Variants in ADORA1 observed in about 807,000 individuals in gnomAD.
The protein encoded by ADORA1 is adenosine A1 receptor.
In ADORA1, 6 loss-of-function variants were observed where a neutral mutation model predicts 19.9. That is an observed-to-expected ratio of 0.30 (90% CI 0.17 to 0.59). The LOEUF is 0.59. ADORA1 is among the 20% of genes least tolerant of loss of function. The pLI, the probability that ADORA1 is intolerant of heterozygous loss-of-function variation, is 0.87. For missense variants in ADORA1, 302 were observed against 439.2 expected, an observed-to-expected ratio of 0.69 and a Z score of 2.79; for synonymous variants, 194 against 188.4, an observed-to-expected ratio of 1.03 and a Z score of -0.24.
chr1:203,163,321 A>G (rs1022600667), intron 3 of ADORA1, among the ~76,000 whole-genome samples: 10 of 152,178 alleles, frequency 6.6e-5, no homozygotes, highest in African/African-American at 2.4e-4. Flanking sequence ...TACAGAGGAG[A>G]CATTGATCTA....
chr1:203,163,828 C>T (rs1263261388), intron 3 of ADORA1, among the ~76,000 whole-genome samples: 2 of 152,174 alleles, frequency 1.3e-5, no homozygotes, highest in Non-Finnish European at 2.9e-5. Context: ...CATCACCATG[C>T]AGGAGAAAGC....
chr1:203,141,386 C>T (rs1380302172), intron 3 of ADORA1, among the ~76,000 whole-genome samples: 1 of 152,148 alleles, frequency 6.6e-6, no homozygotes, highest in African/African-American at 2.4e-5. Context: ...TCTCACTTCC[C>T]CACCTCTGGG....
At position 203,165,854 on chromosome 1, in the gene ADORA1, C is replaced by A; in HGVS notation, c.935C>A (p.Ala312Glu). The A allele has an allele frequency of 6.3e-7, 1 of 1,590,760 alleles. No homozygotes were observed. The highest frequency in any genetic ancestry group is 8.6e-7 in the Non-Finnish European group (1 of 1,167,624). The change falls in exon 4 of 4, where the codon GCA becomes GAA. Residue 312 changes from alanine (A) to glutamate (E), a missense_variant. By Grantham distance (107) the Ala-to-Glu change is moderately radical. Coordinates refer to ENST00000337894, the MANE Select transcript of ADORA1 (RefSeq NM_000674.3). This position sits in a 1 kb window ranked among gnomAD's most constrained non-coding sequence, Gnocchi z 5.9. ...AATGACCATTTCCGCTGCCAGCCTG[C>A]ACCTCCCATTGACGAGGATCTCCCA... The part of the protein sequence containing the change: ...IWNDHFRCQP[A>E]PPIDEDLPEE...
chr1:203,145,938 G>A (rs1654844747), intron 3 of ADORA1, among the ~76,000 whole-genome samples: 1 of 152,198 alleles, frequency 6.6e-6, no homozygotes, highest in African/African-American at 2.4e-5. Flanking sequence ...GGCAGGGCAG[G>A]GAGGTGTATA....
intron 3 of ADORA1, among the ~76,000 whole-genome samples, chr1:203,137,140 G>A (rs567080574): frequency 6.6e-5 from 10 of 152,162 alleles, no homozygotes; most frequent in Non-Finnish European, 1.3e-4. Flanking sequence ...TAAATAGGGT[G>A]GTCCGTGAGG....
chr1:203,163,925 C>G (rs931722653), intron 3 of ADORA1, among the ~76,000 whole-genome samples: 8 of 152,212 alleles, frequency 5.3e-5, no homozygotes, highest in African/African-American at 1.9e-4. Flanking sequence ...TTTACATGCT[C>G]AGGAGGGCAC....
chr1:203,146,626 C>T (rs1464640694), intron 3 of ADORA1, among the ~76,000 whole-genome samples: 1 of 95,324 alleles, frequency 1.0e-5, no homozygotes, highest in Non-Finnish European at 2.1e-5. Flanking sequence ...AAGCCTGTCT[C>T]AAAAAAAAAA....
chr1:203,150,844 C>T, intron 3 of ADORA1: 2 of 1,275,524 alleles, frequency 1.6e-6, no homozygotes, highest in Non-Finnish European at 2.0e-6. Flanking sequence ...TTTTCCAGGG[C>T]AGGGGGCTAG....
intron 3 of ADORA1, among the ~76,000 whole-genome samples, chr1:203,151,379 G>A (rs980325692): frequency 2.6e-5 from 4 of 152,214 alleles, no homozygotes; most frequent in Admixed American, 6.5e-5. Context: ...ACACAGACCC[G>A]TTCTGTACGA....
chr1:203,142,116 G>A (rs973174430), intron 3 of ADORA1, among the ~76,000 whole-genome samples: 1 of 152,158 alleles, frequency 6.6e-6, no homozygotes, highest in African/African-American at 2.4e-5. Context: ...CTCCTTCCTA[G>A]GGTTGCTGTG....
rs1253222493 is a variant in ADORA1 at position 203,128,171 on chromosome 1, C to G, written c.-212-107C>G. ...GCCCCAGCCTTGTCCTGGGCTCCGT[C>G]CCCAGACCCACGTCTGCCACCCCAG... On this transcript the variant is annotated intron_variant, in intron 1 of 3. Coordinates refer to ENST00000337894, the MANE Select transcript of ADORA1 (RefSeq NM_000674.3). This position sits in a 1 kb window ranked among gnomAD's most constrained non-coding sequence, Gnocchi z 5.9. The G allele has an allele frequency of 2.2e-6, 1 of 447,828 alleles. No individual in the cohort carries two copies. The highest frequency in any genetic ancestry group is 3.8e-6 in the Non-Finnish European group (1 of 265,400). The allele number at this position is 447,828 out of a possible 1,614,324, so 27.7% of individuals were successfully genotyped here. A position where few individuals can be genotyped will look rare whatever the true frequency, so the allele number is the denominator to read the frequency against.
chr1:203,164,159 G>A (rs368273067), intron 3 of ADORA1, among the ~76,000 whole-genome samples: 4 of 152,218 alleles, frequency 2.6e-5, no homozygotes, highest in East Asian at 1.9e-4. Context: ...GAGCAGCCTC[G>A]TCATCCAGAT....
At chr1:203,144,081 TACACACACACACACACACAC>T (rs10525873) in intron 3 of ADORA1, among the ~76,000 whole-genome samples, 9 of 139,854 alleles carry the variant, frequency 6.4e-5, no homozygotes, top group African/African-American at 1.9e-4. Flanking sequence ...GACTACCTCT[TACACACACACACACACACAC>T]ACACACACAC....
intron 3 of ADORA1, among the ~76,000 whole-genome samples, chr1:203,146,833 A>C (rs1286170170): frequency 1.3e-5 from 2 of 152,180 alleles, no homozygotes; most frequent in African/African-American, 2.4e-5. Context: ...TCACAAGTGC[A>C]GGGGAGCTAC....
intron 3 of ADORA1, among the ~76,000 whole-genome samples, chr1:203,153,134 G>C (rs749428784): frequency 3.3e-5 from 5 of 152,062 alleles, no homozygotes; most frequent in East Asian, 1.9e-4. Context: ...CACAGGTCTG[G>C]GGGGAGCTTG....
Position 203,128,702 on chromosome 1 carries a change from G to T in ADORA1, c.-57-83G>T. On this transcript the variant is annotated intron_variant, in intron 2 of 3. Coordinates refer to ENST00000337894, the MANE Select transcript of ADORA1 (RefSeq NM_000674.3). The surrounding 1 kb of genome is among the most constrained non-coding windows in gnomAD (Gnocchi z 5.9). ...CATGTGACAAGTGGGACACATCACA[G>T]GGTACCTGGAGTTCCAGGGCAGCCT... The T allele has an allele frequency of 6.9e-7, 1 of 1,449,544 alleles. No individual in the cohort carries two copies. 89.8% of individuals were successfully genotyped at this position (1,449,544 alleles called of 1,614,324 possible). A position where few individuals can be genotyped will look rare whatever the true frequency, so the allele number is the denominator to read the frequency against.
At chr1:203,146,002 C>T (rs762120964) in intron 3 of ADORA1, among the ~76,000 whole-genome samples, 61 of 152,270 alleles carry the variant, frequency 4.0e-4, no homozygotes, top group African/African-American at 1.2e-3. Flanking sequence ...GTATGGTGCC[C>T]GGGGCATCTG....
At chr1:203,130,005 T>C (rs1246175032) in intron 3 of ADORA1, among the ~76,000 whole-genome samples, 1 of 152,256 alleles carries the variant, frequency 6.6e-6, no homozygotes, top group Non-Finnish European at 1.5e-5. Context: ...GGCAGTGCCT[T>C]GGGCCACCAA....
chr1:203,160,249 C>T (rs1395184374), intron 3 of ADORA1, among the ~76,000 whole-genome samples: 1 of 152,182 alleles, frequency 6.6e-6, no homozygotes, highest in Non-Finnish European at 1.5e-5. Flanking sequence ...TTGAGTATCC[C>T]TTATCCAAAA....
Sources: allele counts gnomAD v4.1 joint callset (sites outside exome capture counted in the v4.1 genomes callset), GRCh38; gene constraint gnomAD v4.1.1; non-coding constraint Gnocchi (gnomAD v3.1); transcripts MANE v1.5; gene names NCBI Gene and HGNC (gene_info 2026-07-23, HGNC 2026-07-21).